The following RYR2 variants were observed in gnomAD, a reference collection of about 807,000 sequenced individuals.
RYR2 encodes the protein cardiac muscle ryanodine receptor-calcium release channel.
RYR2 carries 227 observed loss-of-function variants against 601.1 expected under a neutral mutation model. That is an observed-to-expected ratio of 0.38 (90% confidence interval 0.34 to 0.42). RYR2 has a LOEUF of 0.42. Among genes scored for constraint, RYR2 ranks in the 10% least tolerant of loss-of-function variants. RYR2 has a pLI of 1.00. For synonymous variants in RYR2, 2,223 were observed against 2,175.1 expected (o/e 1.02, Z -0.61); for missense variants, 4,646 against 6,156.5 (o/e 0.75, Z 8.21).
At chr1:237,053,140 C>T (rs1191717162) in intron 1 of RYR2, among the ~76,000 whole-genome samples, 1 of 152,210 alleles carries the variant, frequency 6.6e-6, no homozygotes, top group Non-Finnish European at 1.5e-5. Flanking sequence ...AGCCACCGCA[C>T]CCAACCCATC....
intron 17 of RYR2, among the ~76,000 whole-genome samples, chr1:237,483,617 A>G: frequency 6.6e-6 from 1 of 152,108 alleles, no homozygotes; most frequent in East Asian, 1.9e-4. Flanking sequence ...CCAATCAGTT[A>G]CTCTTCTGAA....
intron 14 of RYR2, among the ~76,000 whole-genome samples, chr1:237,452,580 T>G (rs1421844065): frequency 6.8e-6 from 1 of 147,858 alleles, no homozygotes; most frequent in Non-Finnish European, 1.5e-5. Context: ...CTATATATGT[T>G]TTCATTTTTC....
At chr1:237,611,442 T>C (rs1559111624) in intron 36 of RYR2, among the ~76,000 whole-genome samples, 1 of 152,094 alleles carries the variant, frequency 6.6e-6, no homozygotes, top group Non-Finnish European at 1.5e-5. Flanking sequence ...TGAAAGAAAA[T>C]TGGGAAAATA....
chr1:237,795,900 G>A (rs57573446), intron 96 of RYR2, among the ~76,000 whole-genome samples: 11 of 134,692 alleles, frequency 8.2e-5, no homozygotes, highest in African/African-American at 2.2e-4. Context: ...ACACATATAT[G>A]GATACACACA....
intron 1 of RYR2, among the ~76,000 whole-genome samples, chr1:237,247,534 A>T (rs936372098): frequency 7.9e-5 from 12 of 152,198 alleles, no homozygotes; most frequent in African/African-American, 2.7e-4. Flanking sequence ...AAGCTTCATT[A>T]TGCTCAGCTG....
chr1:237,785,724 TGAGAAAAGAGA>T, intron 90 of RYR2, among the ~76,000 whole-genome samples: 1 of 151,866 alleles, frequency 6.6e-6, no homozygotes, highest in East Asian at 1.9e-4. Flanking sequence ...TATTTCTAAA[TGAGAAAAGAGA>T]GTGAAAAGGA....
At chr1:237,383,460 T>C (rs1238591253) in intron 8 of RYR2, among the ~76,000 whole-genome samples, 4 of 134,132 alleles carry the variant, frequency 3.0e-5, no homozygotes, top group Non-Finnish European at 6.3e-5. Context: ...GACAGAGTCT[T>C]GCTCTGTCGC....
chr1:237,323,894 T>C (rs1016389121), intron 2 of RYR2, among the ~76,000 whole-genome samples: 1 of 152,190 alleles, frequency 6.6e-6, no homozygotes, highest in Non-Finnish European at 1.5e-5. Flanking sequence ...TAGCCTTGTC[T>C]TTCAAAAAGC....
chr1:237,414,933 T>C (rs1222153119), intron 10 of RYR2, among the ~76,000 whole-genome samples: 1 of 151,980 alleles, frequency 6.6e-6, no homozygotes, highest in African/African-American at 2.4e-5. Flanking sequence ...CGCTTACCTA[T>C]GTCAGTGGCT....
At chr1:237,623,389 T>TCTTTCTTTGTTTCTTTC (rs1349118067) in intron 38 of RYR2, among the ~76,000 whole-genome samples, 1 of 132,490 alleles carries the variant, frequency 7.5e-6, no homozygotes, top group African/African-American at 2.8e-5. Context: ...CTTTCTTTTT[T>TCTTTCTTTGTTTCTTTC]TTTTTTTTTT....
chr1:237,261,869 C>CT (rs988514516), intron 1 of RYR2, among the ~76,000 whole-genome samples: 10 of 152,042 alleles, frequency 6.6e-5, no homozygotes, highest in South Asian at 2.1e-4. Flanking sequence ...TTATACTATT[C>CT]TTTTTTTTCT....
chr1:237,608,514 A>G (rs1448979592), intron 35 of RYR2, among the ~76,000 whole-genome samples: 1 of 152,144 alleles, frequency 6.6e-6, no homozygotes, highest in East Asian at 1.9e-4. Context: ...CTTGGGCAAC[A>G]TAGTGAGACC....
At chr1:237,248,209 T>C (rs1010722369) in intron 1 of RYR2, among the ~76,000 whole-genome samples, 1 of 143,912 alleles carries the variant, frequency 6.9e-6, no homozygotes, top group East Asian at 2.1e-4. Context: ...GAGGCAGAGG[T>C]TGCAGTGAGC....
intron 1 of RYR2, among the ~76,000 whole-genome samples, chr1:237,096,935 G>C (rs1667565951): frequency 6.6e-6 from 1 of 152,168 alleles, no homozygotes; most frequent in African/African-American, 2.4e-5. Flanking sequence ...CTGTCCTGCA[G>C]GTCTTCTGTT....
intron 8 of RYR2, among the ~76,000 whole-genome samples, chr1:237,386,518 A>G (rs1701969072): frequency 6.6e-6 from 1 of 152,222 alleles, no homozygotes; most frequent in Admixed American, 6.5e-5. Context: ...GTTTACTGAG[A>G]AGACTCCACG....
chr1:237,380,396 A>AAATAG (rs1558718157), intron 8 of RYR2, among the ~76,000 whole-genome samples: 1 of 35,678 alleles, frequency 2.8e-5, no homozygotes, highest in Non-Finnish European at 5.6e-5. Context: ...ATATATATAT[A>AAATAG]TATATATATA....
chr1:237,124,689 C>A (rs1233323331), intron 1 of RYR2, among the ~76,000 whole-genome samples: 1 of 152,134 alleles, frequency 6.6e-6, no homozygotes, highest in Non-Finnish European at 1.5e-5. Context: ...AAGTCTTCTG[C>A]TTCTTCTATC....
At position 237,772,065 on chromosome 1, in the gene RYR2, A is replaced by G. The variant is rs1298819475; in HGVS notation, c.11611A>G (p.Ile3871Val). 1.9e-6 allele frequency: 3 copies of G among 1,552,424 alleles called. No homozygotes were observed. Among genetic ancestry groups the G allele is most frequent in the Non-Finnish European group, 2.6e-6 (3 of 1,141,404 alleles). The change falls in exon 86 of 105, where the codon ATT becomes GTT. Residue 3871 changes from isoleucine to valine, a missense_variant. Physicochemically the swap from Ile to Val is conservative, Grantham distance 29. Around this residue, in one of 17 missense-constraint regions of RYR2, gnomAD observed 90 missense variants for 213.3 expected, o/e 0.42. Coordinates refer to ENST00000366574, the MANE Select transcript of RYR2 (RefSeq NM_001035.3). Reference sequence around the variant, plus strand: ...TGGCAATAATACAACTGTCAACATAATTATCTCCACTGTAGACTACCTACT... The same window carrying G: ...TGGCAATAATACAACTGTCAACATAGTTATCTCCACTGTAGACTACCTACT... ...QTGNNTTVNI[I>V]ISTVDYLLRV...
At chr1:237,698,434 TG>T (rs1174775779) in intron 63 of RYR2, among the ~76,000 whole-genome samples, 2 of 152,196 alleles carry the variant, frequency 1.3e-5, no homozygotes, top group East Asian at 3.9e-4. Context: ...TGGTGCTTTT[TG>T]GTTTTTGCCA....
Sources: gnomAD v4.1 joint callset for allele counts (sites outside exome capture counted in the v4.1 genomes callset) on GRCh38, gnomAD v4.1.1 for gene constraint, gnomAD v4.1.1 regional missense constraint, MANE v1.5 for transcripts, NCBI Gene and HGNC (gene_info 2026-07-23, HGNC 2026-07-21) for gene names.